Variants in SLC16A10 observed in about 807,000 individuals in gnomAD.
The protein encoded by SLC16A10 is monocarboxylate transporter 10.
SLC16A10 carries 27 observed loss-of-function variants against 40.0 expected under a neutral mutation model. The observed-to-expected ratio is 0.67, with a 90% CI of 0.50 to 0.93. The LOEUF (loss-of-function observed/expected upper bound fraction) is 0.93. Ranked by LOEUF, SLC16A10 falls within the 40% of genes least tolerant of loss-of-function variation. SLC16A10 has a pLI of 0.00. For synonymous variants in SLC16A10, 213 were observed against 249.8 expected (o/e 0.85, Z 1.39); for missense variants, 529 against 658.2 (o/e 0.80, Z 2.15).
At chr6:111,142,594 A>G (rs1583325029) in intron 1 of SLC16A10, among the ~76,000 whole-genome samples, 1 of 152,250 alleles carries the variant, frequency 6.6e-6, no homozygotes, top group East Asian at 1.9e-4. Context: ...AAGAAGATAT[A>G]TAGATGGCAA....
At chr6:111,111,750 C>T (rs1047541975) in intron 1 of SLC16A10, among the ~76,000 whole-genome samples, 2 of 152,110 alleles carry the variant, frequency 1.3e-5, no homozygotes, top group Non-Finnish European at 2.9e-5. Flanking sequence ...TCAGTGAGGT[C>T]GTGTAAGTAT....
Position 111,226,412 on chromosome 6 carries a change from T to C in SLC16A10, c.*4177T>C, listed in dbSNP as rs989285962. The stretch of plus-strand genomic sequence containing the variant: ...GGTGTTAGAGTAAATTCCCAGAGTT[T>C]AGAGATACAAGTAGAAATGCATAAG... On this transcript the variant is annotated 3_prime_UTR_variant, in exon 6 of 6. Transcript: ENST00000368851. The C allele has an allele frequency of 6.6e-6, 1 of 152,192 alleles. No homozygotes were observed. The highest frequency in any genetic ancestry group is 1.5e-5 in the Non-Finnish European group (1 of 68,036). The allele number at this position is 152,192 out of a possible 1,614,324, so 9.4% of individuals were successfully genotyped here. A position where few individuals can be genotyped will look rare whatever the true frequency, so the allele number is the denominator to read the frequency against.
At chr6:111,207,142 CT>C (rs1471393508) in intron 4 of SLC16A10, among the ~76,000 whole-genome samples, 1 of 152,168 alleles carries the variant, frequency 6.6e-6, no homozygotes, top group Non-Finnish European at 1.5e-5. Flanking sequence ...TACAACATAA[CT>C]TCTATAGGCA....
chr6:111,088,163 G>A, intron 1 of SLC16A10, 68 bp downstream of exon 1: 1 of 1,495,074 alleles, frequency 6.7e-7, no homozygotes, highest in Admixed American at 1.9e-5. Context: ...CATCCCGCGT[G>A]TGGGCTGTGT....
rs113681445 is a variant in SLC16A10 at position 111,173,270 on chromosome 6, G to A, written c.488+431G>A. ...CATAGGCTTGATATGAAATATTTTT[G>A]TTAATGAGACCAAAACTTTGCCATT... On this transcript the variant is annotated intron_variant, in intron 2 of 5. Transcript: ENST00000368851. Among the ~76,000 whole-genome samples, 389 of 152,246 alleles carry A rather than the reference G, an allele frequency of 2.6e-3. 2 individuals carry two copies. The highest frequency in any genetic ancestry group is 8.9e-3 in the African/African-American group (368 of 41,550).
chr6:111,092,315 GTTTTTTTTTTT>G (rs1173275647), intron 1 of SLC16A10, among the ~76,000 whole-genome samples: 5 of 98,578 alleles, frequency 5.1e-5, no homozygotes, highest in Admixed American at 2.3e-4. Context: ...TTTTTTTGTT[GTTTTTTTTTTT>G]TTTTTTTTTT....
At chr6:111,184,438 A>G (rs1414093965) in intron 3 of SLC16A10, among the ~76,000 whole-genome samples, 1 of 152,058 alleles carries the variant, frequency 6.6e-6, no homozygotes, top group African/African-American at 2.4e-5. Context: ...TTTGCTTGCT[A>G]GCAGGGCAAT....
At chr6:111,186,248 T>G (rs913043334) in intron 3 of SLC16A10, among the ~76,000 whole-genome samples, 1 of 152,176 alleles carries the variant, frequency 6.6e-6, no homozygotes, top group East Asian at 1.9e-4. Context: ...CAGGTTTTAT[T>G]TGATAAAATG....
intron 4 of SLC16A10, among the ~76,000 whole-genome samples, chr6:111,216,033 A>G (rs886277054): frequency 1.2e-4 from 18 of 152,224 alleles, no homozygotes; most frequent in Admixed American, 4.6e-4. Context: ...TAGATTTTCA[A>G]TAAAAATTAC....
At chr6:111,121,124 T>A (rs1307287171) in intron 1 of SLC16A10, among the ~76,000 whole-genome samples, 5 of 152,202 alleles carry the variant, frequency 3.3e-5, no homozygotes, top group African/African-American at 9.7e-5. Flanking sequence ...TTCTTATAAC[T>A]CCACTTTAAG....
intron 3 of SLC16A10, 32 bp downstream of exon 3, chr6:111,177,697 T>TA: frequency 2.1e-6 from 3 of 1,462,062 alleles, no homozygotes; most frequent in Non-Finnish European, 2.7e-6. Context: ...TCATGAATAT[T>TA]ACTATTTAAT....
In SLC16A10 at chr6:111,229,388, T is replaced by G. The variant is rs1438051008; in HGVS notation, c.*7153T>G. 6.6e-6 allele frequency: 1 copy of G among 152,156 alleles called. No homozygotes were observed. The highest frequency in any genetic ancestry group is 6.5e-5 in the Admixed American group (1 of 15,268). 9.4% of individuals were successfully genotyped at this position (152,156 alleles called of 1,614,324 possible). Reference sequence around the variant, plus strand: ...TGATCACCAAATGAGAATGTTCTAATGAACACAACCTCCCAAGGTAATAAT... The same window carrying G: ...TGATCACCAAATGAGAATGTTCTAAGGAACACAACCTCCCAAGGTAATAAT... On this transcript the variant is annotated 3_prime_UTR_variant, in exon 6 of 6. Coordinates refer to ENST00000368851, the MANE Select transcript of SLC16A10 (RefSeq NM_018593.5).
At chr6:111,219,134 AC>A in intron 5 of SLC16A10, 92 bp downstream of exon 5, 1 of 1,159,776 alleles carries the variant, frequency 8.6e-7, no homozygotes, top group Non-Finnish European at 1.2e-6. Flanking sequence ...AAAACATATT[AC>A]AGGTTATTGA....
chr6:111,146,694 G>A (rs935259158), intron 1 of SLC16A10, among the ~76,000 whole-genome samples: 9 of 151,488 alleles, frequency 5.9e-5, no homozygotes, highest in African/African-American at 9.7e-5. Context: ...CCGAGATTGC[G>A]CCACTGCACT....
intron 1 of SLC16A10, among the ~76,000 whole-genome samples, chr6:111,100,986 C>CTATATA (rs1210419070): frequency 5.6e-5 from 5 of 89,352 alleles, no homozygotes; most frequent in Admixed American, 1.1e-4. Flanking sequence ...CTCTCTCTCT[C>CTATATA]TCTCTCTATA....
rs1360755194 is a variant in SLC16A10 at position 111,087,876 on chromosome 6, G to A, written c.124G>A (p.Ala42Thr). The A allele has an allele frequency of 6.5e-7, 1 of 1,528,818 alleles. No homozygotes were observed. The highest frequency in any genetic ancestry group is 2.6e-5 in the East Asian group (1 of 39,178). The allele number at this position is 1,528,818 out of a possible 1,614,324, so 94.7% of individuals were successfully genotyped here. A position where few individuals can be genotyped will look rare whatever the true frequency, so the allele number is the denominator to read the frequency against. ...GGGACCCTCGGACAGCCCCGAGGCG[G>A]CTGTCGAGAAGGTGGAGGTGGAGCT... The part of the protein sequence containing the change: ...GPGPSDSPEA[A>T]VEKVEVELAG... Residue 42 changes from alanine to threonine, a missense_variant, in exon 1 of 6, where the codon GCT (alanine) becomes ACT (threonine). Transcript: ENST00000368851.
chr6:111,190,026 A>G (rs1042307222), intron 3 of SLC16A10, among the ~76,000 whole-genome samples: 1 of 152,222 alleles, frequency 6.6e-6, no homozygotes, highest in African/African-American at 2.4e-5. Context: ...ATCTGAGACA[A>G]GGCAAGTCCC....
intron 4 of SLC16A10, among the ~76,000 whole-genome samples, chr6:111,213,780 T>C (rs965930069): frequency 1.3e-5 from 2 of 152,232 alleles, no homozygotes; most frequent in African/African-American, 4.8e-5. Context: ...GGCCTCTGTG[T>C]GCTTCAGAAG....
chr6:111,140,686 T>C (rs2114502172), intron 1 of SLC16A10, among the ~76,000 whole-genome samples: 1 of 152,366 alleles, frequency 6.6e-6, no homozygotes, highest in Admixed American at 6.5e-5. Context: ...ATATGCTTTC[T>C]ACCTTGACAA....
Sources: allele counts gnomAD v4.1 joint callset (sites outside exome capture counted in the v4.1 genomes callset), GRCh38; gene constraint gnomAD v4.1.1; transcripts MANE v1.5; gene names NCBI Gene and HGNC (gene_info 2026-07-23, HGNC 2026-07-21).